Variants in IRAG2 observed in about 807,000 individuals in gnomAD.
IRAG2 encodes the protein lymphoid restricted membrane protein.
A neutral mutation model predicts 69.9 loss-of-function variants in IRAG2; 45 were observed. The ratio of observed to expected loss-of-function variants is 0.64; its 90% CI spans 0.51 to 0.83. The LOEUF (loss-of-function observed/expected upper bound fraction) is 0.83, where lower values mean the gene tolerates loss of function less well. Among genes scored for constraint, IRAG2 ranks in the 40% least tolerant of loss-of-function variants. The pLI, the probability that IRAG2 is intolerant of heterozygous loss-of-function variation, is 0.00. For synonymous variants in IRAG2, 193 were observed against 202.4 expected, an observed-to-expected ratio of 0.95 and a Z score of 0.40; for missense variants, 520 against 587.0, an observed-to-expected ratio of 0.89 and a Z score of 1.18.
chr12:25,107,747 G>C (rs964676662), intron 21 of IRAG2, 70 bp from the exon 22 acceptor site: 57 of 1,443,758 alleles, frequency 3.9e-5, no homozygotes, highest in Non-Finnish European at 5.5e-5. Context: ...CTGACTGGTG[G>C]TGTTAGCAAA....
Position 25,079,080 on chromosome 12 carries a change from G to C in IRAG2, c.25-164G>C, listed in dbSNP as rs373249949. On this transcript the variant is annotated intron_variant, in intron 6 of 21. Transcript: ENST00000556887. ...GGTAAGTGCAGCTTTGAGGAAGTGTGTATATCCATCTGCCCTATACCATCC... is the reference window on the plus strand; with the variant it reads ...GGTAAGTGCAGCTTTGAGGAAGTGTCTATATCCATCTGCCCTATACCATCC... Among the ~76,000 whole-genome samples the C allele has an allele frequency of 7.9e-5, 12 of 152,260 alleles. No individual in the cohort carries two copies. The East Asian group carries it at 1.5e-3, about 20-fold the overall frequency.
At chr12:25,100,036 A>T (rs1948667718) in intron 15 of IRAG2, among the ~76,000 whole-genome samples, 2 of 145,784 alleles carry the variant, frequency 1.4e-5, no homozygotes, top group African/African-American at 5.0e-5. Flanking sequence ...TGGGCAAAAG[A>T]CTTCAATAGA....
chr12:25,073,149 A>G (rs1321173843), intron 6 of IRAG2, among the ~76,000 whole-genome samples: 1 of 152,186 alleles, frequency 6.6e-6, no homozygotes, highest in Non-Finnish European at 1.5e-5. Flanking sequence ...GAAAAAAACT[A>G]AGCTCACTTC....
intron 14 of IRAG2, among the ~76,000 whole-genome samples, chr12:25,092,266 G>T (rs1311646843): frequency 1.3e-5 from 2 of 152,016 alleles, no homozygotes; most frequent in Non-Finnish European, 2.9e-5. Context: ...CAGGTGTGGT[G>T]GTGGGCGCCT....
chr12:25,036,109 T>C (rs1243266876), intron 14 of IRAG2, among the ~76,000 whole-genome samples: 3 of 152,224 alleles, frequency 2.0e-5, no homozygotes, highest in Non-Finnish European at 4.4e-5. Flanking sequence ...TTCTGGTTAA[T>C]GGCTGGTATT....
intron 3 of IRAG2, among the ~76,000 whole-genome samples, chr12:25,014,763 C>CT (rs1374878954): frequency 6.6e-6 from 1 of 151,892 alleles, no homozygotes; most frequent in Non-Finnish European, 1.5e-5. Flanking sequence ...TTCTCAATCT[C>CT]TTAAGCCCCA....
chr12:25,067,236 T>C (rs1485080247), intron 5 of IRAG2, among the ~76,000 whole-genome samples: 2 of 152,114 alleles, frequency 1.3e-5, no homozygotes, highest in Non-Finnish European at 2.9e-5. Flanking sequence ...AATCTTCTAA[T>C]CTAAAGGAAA....
intron 9 of IRAG2, among the ~76,000 whole-genome samples, chr12:25,081,189 G>A (rs12230333): frequency 0.11 from 16,184 of 152,232 alleles, 1,170 homozygotes; most frequent in Admixed American, 0.17. Context: ...GTGGCTGGGC[G>A]TGGTGGCTCA....
At chr12:25,004,673 C>T in exon 1 of IRAG2, 1 of 1,232,162 alleles carries the variant, frequency 8.1e-7, no homozygotes, top group Non-Finnish European at 1.0e-6. Flanking sequence ...GCAACATACT[C>T]TGTTATTCTC....
upstream of IRAG2, among the ~76,000 whole-genome samples, chr12:25,051,731 C>G (rs1460037098): frequency 6.6e-6 from 1 of 152,192 alleles, no homozygotes; most frequent in South Asian, 2.1e-4. Flanking sequence ...TTCCTGTGCT[C>G]GTGGCACGTG....
chr12:25,061,566 G>C, intron 1 of IRAG2, 26 bp from the exon 2 acceptor site: 3 of 398,440 alleles, frequency 7.5e-6, no homozygotes, highest in Non-Finnish European at 1.3e-5. Flanking sequence ...TGGTCATATT[G>C]AGCTGGTTAT....
chr12:25,036,911 TAATA>T (rs1208921578), intron 15 of IRAG2, among the ~76,000 whole-genome samples: 2 of 151,604 alleles, frequency 1.3e-5, no homozygotes, highest in Non-Finnish European at 2.9e-5. Context: ...GGAGAGAAAA[TAATA>T]AATAAGATGA....
At chr12:25,012,546 GAC>G (rs1018446322) in intron 3 of IRAG2, among the ~76,000 whole-genome samples, 7 of 152,092 alleles carry the variant, frequency 4.6e-5, no homozygotes, top group Non-Finnish European at 8.8e-5. Context: ...AGAAAATGTT[GAC>G]AGGGCGCGAT....
Position 25,090,200 on chromosome 12 carries a change from G to A in IRAG2, c.606+3G>A. 6.2e-7 allele frequency: 1 copy of A among 1,613,024 alleles called. No homozygotes were observed. Among genetic ancestry groups the A allele is most frequent in the Non-Finnish European group, 8.5e-7 (1 of 1,179,332 alleles). ...CTAACTGTTTAAAACTATTAGAGGT[G>A]AGAATCAGAACATTTGGGATATAAA... On this transcript the variant is annotated splice_donor_region_variant and intron_variant, in intron 14 of 21. Coordinates refer to ENST00000556887, the MANE Select transcript of IRAG2 (RefSeq NM_001366544.2).
chr12:25,100,024 A>AAAAAAAAAAAG (rs1948664196), intron 15 of IRAG2, among the ~76,000 whole-genome samples: 1 of 140,658 alleles, frequency 7.1e-6, no homozygotes, highest in Non-Finnish European at 1.6e-5. Context: ...AAAAAAAAAA[A>AAAAAAAAAAAG]ATGGGCAAAA....
intron 2 of IRAG2, among the ~76,000 whole-genome samples, chr12:25,008,653 C>T (rs760139921): frequency 2.0e-4 from 30 of 152,174 alleles, no homozygotes; most frequent in African/African-American, 5.5e-4. Flanking sequence ...GCACAAGAAG[C>T]GTTTGAACTC....
chr12:25,018,193 C>CTTTTTTTTTTTTTTTTT (rs56659655), intron 6 of IRAG2, among the ~76,000 whole-genome samples: 1 of 105,550 alleles, frequency 9.5e-6, no homozygotes, highest in Admixed American at 1.2e-4. Context: ...TTTCTTTCTT[C>CTTTTTTTTTTTTTTTTT]TTTTTTTTTT....
At chr12:25,054,990 C>T (rs1945143079) in intron 1 of IRAG2, among the ~76,000 whole-genome samples, 5 of 152,200 alleles carry the variant, frequency 3.3e-5, no homozygotes, top group South Asian at 4.1e-4. Flanking sequence ...CTGAGTCAGA[C>T]ATCTGATTCT....
At chr12:25,011,546 C>T (rs1944474997) in exon 3 of IRAG2, 1 of 1,231,408 alleles carries the variant, frequency 8.1e-7, no homozygotes, top group Non-Finnish European at 1.0e-6. Flanking sequence ...ACTGTGGAAA[C>T]ACATGGTAAT....
Sources: gnomAD v4.1 joint callset for allele counts (sites outside exome capture counted in the v4.1 genomes callset) on GRCh38, gnomAD v4.1.1 for gene constraint, MANE v1.5 for transcripts, NCBI Gene and HGNC (gene_info 2026-07-23, HGNC 2026-07-21) for gene names.